USP8: variants seen among roughly 807,000 people sequenced by gnomAD.
USP8 encodes the protein ubiquitin specific peptidase 8, also known as ubiquitin carboxyl-terminal hydrolase 8.
A neutral mutation model predicts 130.0 loss-of-function variants in USP8; 27 were observed. The observed-to-expected ratio is 0.21, with a 90% confidence interval of 0.15 to 0.29. The LOEUF is 0.29. Among genes scored for constraint, USP8 ranks in the 10% least tolerant of loss-of-function variants. The probability of loss-of-function intolerance (pLI) is 1.00; values close to 1 mark genes in which losing one functional copy is unlikely to be tolerated. For synonymous variants in USP8, 392 were observed against 444.1 expected (o/e 0.88, Z 1.48); for missense variants, 1,029 against 1,312.2 (o/e 0.78, Z 3.33).
rs545281500 is a variant in USP8, at chr15:50,430,440, A to G, written c.-66+5926A>G. ...CCCCAATTAGACAGGGTCTCCCTCT[A>G]TTGCTCAGGCTGGAGTGCAATGGTG... On this transcript the variant is annotated intron_variant, in intron 1 of 19. Transcript: ENST00000307179. 1.1e-3 allele frequency among the ~76,000 whole-genome samples: 173 copies of G among 152,118 alleles called. 1 individual carries two copies. The highest frequency in any genetic ancestry group is 1.9e-3 in the Non-Finnish European group (130 of 67,986).
intron 8 of USP8, 90 bp downstream of exon 8, chr15:50,471,885 T>A: frequency 1.6e-6 from 2 of 1,275,472 alleles, no homozygotes; most frequent in Non-Finnish European, 2.2e-6. Flanking sequence ...TCTTAAATAC[T>A]AAAAGATTCA....
At chr15:50,438,747 A>G (rs2050159383) in intron 1 of USP8, among the ~76,000 whole-genome samples, 1 of 152,226 alleles carries the variant, frequency 6.6e-6, no homozygotes, top group African/African-American at 2.4e-5. Context: ...TCTTACTGCT[A>G]GTTCCTTTGA....
intron 11 of USP8, 22 bp downstream of exon 11, chr15:50,482,087 T>G (rs771949579): frequency 6.8e-7 from 1 of 1,462,312 alleles, no homozygotes; most frequent in Non-Finnish European, 9.0e-7. Context: ...CAGTACAAAT[T>G]GCCAACGAAG....
chr15:50,497,387 C>CTGTT (rs1376270015), intron 18 of USP8, 156 bp downstream of exon 18: 7 of 844,202 alleles, frequency 8.3e-6, no homozygotes, highest in East Asian at 3.2e-5. Context: ...AGAAATGAGA[C>CTGTT]TGTTAGTTCA....
intron 8 of USP8, among the ~76,000 whole-genome samples, chr15:50,475,560 TAC>T (rs1168994433): frequency 6.7e-6 from 1 of 148,660 alleles, no homozygotes; most frequent in African/African-American, 2.6e-5. Context: ...CATGTATATA[TAC>T]ACACACATAT....
intron 17 of USP8, among the ~76,000 whole-genome samples, chr15:50,496,480 T>TAA (rs35899607): frequency 0.059 from 6,867 of 116,358 alleles, 322 homozygotes; most frequent in African/African-American, 0.14. Flanking sequence ...GACTCCGTCT[T>TAA]AAAAAAAAAA....
At chr15:50,431,163 C>CCTGTGTGTGTGTGTGTGTGTG (rs1179902446) in intron 1 of USP8, among the ~76,000 whole-genome samples, 1 of 10,758 alleles carries the variant, frequency 9.3e-5, no homozygotes, top group African/African-American at 5.2e-4. Context: ...GTGTGTGTGC[C>CCTGTGTGTGTGTGTGTGTGTG]TCTGTGTGTG....
intron 10 of USP8, among the ~76,000 whole-genome samples, chr15:50,478,628 T>C (rs2051652651): frequency 6.6e-6 from 1 of 152,238 alleles, no homozygotes; most frequent in African/African-American, 2.4e-5. Context: ...TAGGAAAGTC[T>C]AAAAAGAGCT....
rs2052596550 is a variant in USP8 at position 50,501,967 on chromosome 15, G to C, written c.*2879G>C. On this transcript the variant is annotated 3_prime_UTR_variant, in exon 20 of 20. Transcript: ENST00000307179. The stretch of plus-strand genomic sequence containing the variant: ...CATTTGTTTACACTTTTCAGTGGCT[G>C]CTTTAATGATACAACAGTAAAACTG... The C allele has an allele frequency of 6.6e-6, 1 of 152,172 alleles. No individual in the cohort carries two copies. Among genetic ancestry groups the C allele is most frequent in the African/African-American group, 2.4e-5 (1 of 41,432 alleles). The allele number at this position is 152,172 out of a possible 1,614,324, so 9.4% of individuals were successfully genotyped here. A position where few individuals can be genotyped will look rare whatever the true frequency, so the allele number is the denominator to read the frequency against.
chr15:50,437,208 A>G (rs1174832700), intron 1 of USP8, among the ~76,000 whole-genome samples: 1 of 152,196 alleles, frequency 6.6e-6, no homozygotes, highest in Non-Finnish European at 1.5e-5. Flanking sequence ...AAAGCATGAT[A>G]CTAAAATGAT....
intron 1 of USP8, among the ~76,000 whole-genome samples, chr15:50,437,240 A>G (rs1381900232): frequency 2.6e-5 from 4 of 152,142 alleles, no homozygotes; most frequent in African/African-American, 9.7e-5. Context: ...ATACTACCCA[A>G]TTTGAGAACT....
At chr15:50,440,528 C>A (rs1273199493) in intron 2 of USP8, among the ~76,000 whole-genome samples, 1 of 152,290 alleles carries the variant, frequency 6.6e-6, no homozygotes, top group Non-Finnish European at 1.5e-5. Flanking sequence ...AAGTGCACTA[C>A]ATTTATTGTG....
intron 16 of USP8, among the ~76,000 whole-genome samples, chr15:50,495,190 A>G (rs997734489): frequency 1.4e-5 from 2 of 146,946 alleles, no homozygotes; most frequent in African/African-American, 4.9e-5. Flanking sequence ...CACTGAACAG[A>G]TATATATATA....
chr15:50,482,936 T>G (rs982795820), intron 11 of USP8, among the ~76,000 whole-genome samples: 17 of 152,222 alleles, frequency 1.1e-4, no homozygotes, highest in African/African-American at 3.4e-4. Context: ...CAGGGAACAC[T>G]TATCTGGTAA....
At chr15:50,497,897 TTTATC>T (rs1344551464) in intron 18 of USP8, among the ~76,000 whole-genome samples, 2 of 152,218 alleles carry the variant, frequency 1.3e-5, no homozygotes, top group East Asian at 1.9e-4. Flanking sequence ...TTAAAAATGT[TTTATC>T]TTGTATTGAG....
chr15:50,439,288 C>T (rs964814983), intron 2 of USP8, 111 bp downstream of exon 2: 26 of 679,310 alleles, frequency 3.8e-5, no homozygotes, highest in East Asian at 1.8e-4. Context: ...CACCATCACA[C>T]GAATAAAGTA....
intron 4 of USP8, among the ~76,000 whole-genome samples, chr15:50,457,882 GAAAAAA>G (rs144529322): frequency 1.6e-5 from 2 of 124,046 alleles, no homozygotes; most frequent in African/African-American, 6.2e-5. Flanking sequence ...GAAAAGAAAA[GAAAAAA>G]AAAAGAAAAA....
At chr15:50,490,084 A>G (rs941147112) in intron 13 of USP8, among the ~76,000 whole-genome samples, 179 bp from the exon 14 acceptor site, 3 of 152,234 alleles carry the variant, frequency 2.0e-5, no homozygotes, top group Non-Finnish European at 2.9e-5. Flanking sequence ...TCTGGCATTT[A>G]TCATTTAGAA....
At chr15:50,436,299 A>G (rs751352212) in intron 1 of USP8, among the ~76,000 whole-genome samples, 7 of 151,540 alleles carry the variant, frequency 4.6e-5, no homozygotes, top group Non-Finnish European at 8.8e-5. Context: ...ATCTCTTTGA[A>G]AAACCTTCCC....
Sources: gnomAD v4.1 joint callset for allele counts (sites outside exome capture counted in the v4.1 genomes callset) on GRCh38, gnomAD v4.1.1 for gene constraint, MANE v1.5 for transcripts, NCBI Gene and HGNC (gene_info 2026-07-23, HGNC 2026-07-21) for gene names.